Variants in LRP1B observed in about 807,000 individuals in gnomAD.
LRP1B encodes the protein low-density lipoprotein receptor-related protein 1B.
Under a neutral mutation model 556.6 loss-of-function variants are expected in LRP1B, and 217 were observed. That is an observed-to-expected ratio of 0.39 (90% CI 0.35 to 0.44). The LOEUF is 0.44. Ranked by LOEUF, LRP1B falls within the 20% of genes least tolerant of loss-of-function variation. LRP1B has a pLI of 1.00. For missense variants in LRP1B, 5,053 were observed against 5,620.8 expected, an observed-to-expected ratio of 0.90 and a Z score of 3.23; for synonymous variants, 2,047 against 1,865.8, an observed-to-expected ratio of 1.10 and a Z score of -2.50.
At chr2:141,617,927 CA>C (rs1315812180) in intron 2 of LRP1B, among the ~76,000 whole-genome samples, 1 of 152,088 alleles carries the variant, frequency 6.6e-6, no homozygotes, top group Non-Finnish European at 1.5e-5. Flanking sequence ...CAAGAACCTA[CA>C]AGCTATTTAT....
chr2:140,284,405 G>A (rs1683041236), intron 84 of LRP1B, among the ~76,000 whole-genome samples: 1 of 149,056 alleles, frequency 6.7e-6, no homozygotes, highest in Non-Finnish European at 1.5e-5. Context: ...AAGCTGGATA[G>A]GAGGTAATCA....
At chr2:141,439,176 T>A (rs1038303408) in intron 3 of LRP1B, among the ~76,000 whole-genome samples, 1 of 152,140 alleles carries the variant, frequency 6.6e-6, no homozygotes, top group Non-Finnish European at 1.5e-5. Flanking sequence ...TCTTCCTACA[T>A]CAGCTTCCCT....
At chr2:141,429,356 G>A (rs953830443) in intron 3 of LRP1B, among the ~76,000 whole-genome samples, 16 of 152,168 alleles carry the variant, frequency 1.1e-4, no homozygotes, top group Middle Eastern at 3.4e-3. Flanking sequence ...ATTTTTTAAT[G>A]TGTAACTAAA....
At chr2:142,057,168 A>G (rs1220948099) in intron 1 of LRP1B, among the ~76,000 whole-genome samples, 1 of 152,100 alleles carries the variant, frequency 6.6e-6, no homozygotes, top group Non-Finnish European at 1.5e-5. Context: ...AACCTCAACC[A>G]CTATTTATTG....
At chr2:140,983,336 A>G (rs1696827515) in intron 17 of LRP1B, among the ~76,000 whole-genome samples, 1 of 152,066 alleles carries the variant, frequency 6.6e-6, no homozygotes, top group Non-Finnish European at 1.5e-5. Context: ...TTGAACAGAT[A>G]GTGAATAATT....
At position 140,965,211 on chromosome 2, in the gene LRP1B, C is replaced by T. The variant is rs147815349; in HGVS notation, c.2888-13271G>A. On this transcript the variant is annotated intron_variant, in intron 18 of 90. Coordinates refer to ENST00000389484, the MANE Select transcript of LRP1B (RefSeq NM_018557.3). Reference sequence around the variant, plus strand: ...AAAAAGGTACATCGAATTCTAACCCCCAGGACCTGTGGATGTGACTTTCTT... The same window carrying T: ...AAAAAGGTACATCGAATTCTAACCCTCAGGACCTGTGGATGTGACTTTCTT... 4.7e-4 allele frequency among the ~76,000 whole-genome samples: 72 copies of T among 152,186 alleles called. 2 individuals carry two copies. In the East Asian group the frequency reaches 0.013, roughly 27 times the overall value.
At chr2:141,559,864 A>C (rs1424915650) in intron 2 of LRP1B, among the ~76,000 whole-genome samples, 1 of 151,732 alleles carries the variant, frequency 6.6e-6, no homozygotes, top group Non-Finnish European at 1.5e-5. Flanking sequence ...AGTCTTACAG[A>C]ATTTAGGATA....
At chr2:140,386,599 A>T (rs2105200246) in intron 66 of LRP1B, among the ~76,000 whole-genome samples, 1 of 152,338 alleles carries the variant, frequency 6.6e-6, no homozygotes, top group East Asian at 1.9e-4. Flanking sequence ...ATGAACCTTT[A>T]AACAATTGCA....
intron 1 of LRP1B, among the ~76,000 whole-genome samples, chr2:142,016,689 C>G (rs1417669626): frequency 6.6e-6 from 1 of 150,422 alleles, no homozygotes; most frequent in East Asian, 2.0e-4. Flanking sequence ...GGGGTAGGGG[C>G]TAGGGGATGG....
rs78370222 is a variant in LRP1B, at chr2:141,898,249, G to A, written c.83-87848C>T. 8.3e-3 allele frequency among the ~76,000 whole-genome samples: 1,265 copies of A among 152,128 alleles called. 7 individuals carry two copies. Among genetic ancestry groups the A allele is most frequent in the Non-Finnish European group, 0.014 (926 of 67,988 alleles). Reference sequence around the variant, plus strand: ...ACCATTTCTCTGTGCCTCCCTCAAAGGCTGCCGGAAAGTCATGGAGCCAGG... The same window carrying A: ...ACCATTTCTCTGTGCCTCCCTCAAAAGCTGCCGGAAAGTCATGGAGCCAGG... On this transcript the variant is annotated intron_variant, in intron 1 of 90. Transcript: ENST00000389484.
At chr2:140,829,577 G>A (rs148846961) in intron 31 of LRP1B, among the ~76,000 whole-genome samples, 311 of 152,136 alleles carry the variant, frequency 2.0e-3, no homozygotes, top group African/African-American at 7.1e-3. Context: ...AAAATTTCAT[G>A]AAACAAATAA....
At chr2:141,962,356 T>A (rs935730858) in intron 1 of LRP1B, among the ~76,000 whole-genome samples, 1 of 151,784 alleles carries the variant, frequency 6.6e-6, no homozygotes, top group Admixed American at 6.6e-5. Flanking sequence ...ATATAAAAGA[T>A]ATCAACAGCC....
intron 2 of LRP1B, among the ~76,000 whole-genome samples, chr2:141,700,985 A>G (rs1172536693): frequency 1.3e-5 from 2 of 151,698 alleles, no homozygotes; most frequent in East Asian, 3.9e-4. Flanking sequence ...TATCTCCTCA[A>G]GTTTCTTCTC....
At chr2:141,237,353 GTT>G (rs11327977) in intron 5 of LRP1B, among the ~76,000 whole-genome samples, 2,400 of 93,616 alleles carry the variant, frequency 0.026, 30 homozygotes, top group Middle Eastern at 0.075. Context: ...GTGTTCTAGT[GTT>G]TTTTTTTTTT....
rs531286517 is a variant in LRP1B at position 141,698,874 on chromosome 2, G to A, written c.205+111405C>T. On this transcript the variant is annotated intron_variant, in intron 2 of 90. Transcript: ENST00000389484. ...CCTAATGAAATTATTATGAAGGTCT[G>A]TGGCTGGGCTCAATATGTTGTAGTT... Among the ~76,000 whole-genome samples, 18 of 151,962 alleles carry A rather than the reference G, an allele frequency of 1.2e-4. No individual in the cohort carries two copies. In the South Asian group the frequency reaches 3.7e-3, roughly 32 times the overall value.
chr2:141,479,259 T>C (rs1682825355), intron 3 of LRP1B, among the ~76,000 whole-genome samples: 2 of 152,202 alleles, frequency 1.3e-5, no homozygotes, highest in African/African-American at 4.8e-5. Flanking sequence ...CCTGGAAAAC[T>C]GTCAGCCAAC....
intron 66 of LRP1B, among the ~76,000 whole-genome samples, chr2:140,433,542 T>C (rs1353137278): frequency 6.6e-6 from 1 of 152,222 alleles, no homozygotes; most frequent in Non-Finnish European, 1.5e-5. Context: ...ACACCACTTC[T>C]AAAGAATTGA....
chr2:141,655,472 C>G (rs1334513118), intron 2 of LRP1B, among the ~76,000 whole-genome samples: 1 of 151,980 alleles, frequency 6.6e-6, no homozygotes, highest in Non-Finnish European at 1.5e-5. Flanking sequence ...AGTTTTACAC[C>G]TAATTAATTC....
chr2:141,511,811 A>G (rs1034115929), intron 2 of LRP1B, among the ~76,000 whole-genome samples: 1 of 152,152 alleles, frequency 6.6e-6, no homozygotes, highest in African/African-American at 2.4e-5. Context: ...TTGTGTTTCA[A>G]TTTTTAGTCC....
Sources: allele counts gnomAD v4.1 joint callset (sites outside exome capture counted in the v4.1 genomes callset), GRCh38; gene constraint gnomAD v4.1.1; transcripts MANE v1.5; gene names NCBI Gene and HGNC (gene_info 2026-07-23, HGNC 2026-07-21).